Variants in HCFC1R1 observed in about 807,000 individuals in gnomAD.
The protein encoded by HCFC1R1 is host cell factor C1 regulator 1, also known as HCF-1 beta-propeller-interacting protein.
HCFC1R1 carries 17 observed loss-of-function variants against 13.3 expected under a neutral mutation model. The observed-to-expected ratio is 1.28, with a 90% CI of 0.87 to 1.91. The LOEUF is 1.91. HCFC1R1 is among the 40% of genes most tolerant of loss of function. The pLI, the probability that HCFC1R1 is intolerant of heterozygous loss-of-function variation, is 0.00. For synonymous variants in HCFC1R1, 87 were observed against 71.1 expected, an observed-to-expected ratio of 1.22 and a Z score of -1.12; for missense variants, 218 against 177.9, an observed-to-expected ratio of 1.23 and a Z score of -1.28.
chr16:3,024,170 GC>G, upstream of HCFC1R1: 2 of 886,870 alleles, frequency 2.3e-6, no homozygotes, highest in Non-Finnish European at 3.5e-6. Context: ...GGGGGTCTTC[GC>G]GGCGCTCACC....
chr16:3,023,080 G>A (rs544556078), intron 3 of HCFC1R1, 82 bp from the exon 4 acceptor site: 5 of 1,541,720 alleles, frequency 3.2e-6, no homozygotes, highest in East Asian at 2.3e-5. Flanking sequence ...GTCCCCAGGG[G>A]CTCCTGGGTT....
In HCFC1R1 at chr16:3,023,256, G is replaced by A. The variant is rs769153236; in HGVS notation, c.258C>T (p.Phe86=). The change falls in exon 3 of 4, where the codon TTC becomes TTT. Residue 86 remains phenylalanine (F), a synonymous_variant. Coordinates refer to ENST00000248089, the MANE Select transcript of HCFC1R1 (RefSeq NM_017885.4). The part of the protein sequence containing the change: ...DHPYCSPPMT[F]SPALPPLRSP... ...ACCTGAGTGGGGGCAGGGCTGGGGA[G>A]AAGGTCATGGGGGGGCTGCAGTAGG... The A allele has an allele frequency of 4.5e-6, 7 of 1,563,334 alleles. No homozygotes were observed. The highest frequency in any genetic ancestry group is 1.7e-6 in the Non-Finnish European group (2 of 1,153,070).
At position 3,023,373 on chromosome 16, in the gene HCFC1R1, T is replaced by C. The variant is rs765324752; in HGVS notation, c.153-12A>G. 11 of 1,611,824 alleles carry C rather than the reference T, an allele frequency of 6.8e-6. No homozygotes were observed. The highest frequency in any genetic ancestry group is 8.5e-6 in the Non-Finnish European group (10 of 1,178,668). Reference sequence around the variant, plus strand: ...TGCGCAGAGGCTCCCTGGGGAGAGATGGCAGAGAGGCAGGCTGGGATACTG... The same window carrying C: ...TGCGCAGAGGCTCCCTGGGGAGAGACGGCAGAGAGGCAGGCTGGGATACTG... On this transcript the variant is annotated splice_polypyrimidine_tract_variant and intron_variant, in intron 2 of 3. Transcript: ENST00000248089.
chr16:3,023,019 C>G, intron 3 of HCFC1R1, 21 bp from the exon 4 acceptor site: 1 of 1,593,284 alleles, frequency 6.3e-7, no homozygotes, highest in Non-Finnish European at 8.5e-7. Flanking sequence ...AAATGACTGT[C>G]AGGGCATGGA....
chr16:3,023,238 T>C lies in HCFC1R1; in HGVS notation c.276A>G (p.Pro92=), dbSNP rs1467063555. 2 of 1,542,120 alleles carry C rather than the reference T, an allele frequency of 1.3e-6. No homozygotes were observed. The highest frequency in any genetic ancestry group is 1.7e-6 in the Non-Finnish European group (2 of 1,144,114). ...PPMTFSPALP[P]LRSPCSELLL... is the part of the protein sequence containing the mutation. Reference sequence around the variant, plus strand: ...TGGCCAGTGGAGGAACCTACCTGAGTGGGGGCAGGGCTGGGGAGAAGGTCA... The same window carrying C: ...TGGCCAGTGGAGGAACCTACCTGAGCGGGGGCAGGGCTGGGGAGAAGGTCA... Residue 92 remains proline, a synonymous_variant, in exon 3 of 4, where the codon CCA becomes CCG. Transcript: ENST00000248089.
At chr16:3,023,405 G>C (rs1567410938) in intron 2 of HCFC1R1, 44 bp from the exon 3 acceptor site, 3 of 1,613,590 alleles carry the variant, frequency 1.9e-6, no homozygotes, top group East Asian at 2.2e-5. Context: ...ACTGACACAG[G>C]AGGCAGCCTG....
In HCFC1R1 at chr16:3,022,743, G is replaced by C. The variant is rs2072637042; in HGVS notation, c.*120C>G. ...GCTCAGTGTCCTCTGTTGAGGGAAG[G>C]TCTTGGTGCCCAGATGCCTACTCTG... On this transcript the variant is annotated 3_prime_UTR_variant, in exon 4 of 4. Transcript: ENST00000248089. 4.3e-6 allele frequency: 4 copies of C among 923,854 alleles called. No homozygotes were observed. The South Asian group carries it at 6.9e-5, about 16-fold the overall frequency. The allele number at this position is 923,854 out of a possible 1,614,324, so 57.2% of individuals were successfully genotyped here. A position where few individuals can be genotyped will look rare whatever the true frequency, so the allele number is the denominator to read the frequency against.
rs773069833 is a variant in HCFC1R1 at position 3,023,526 on chromosome 16, G to A, written c.100C>T (p.Pro34Ser). 3.2e-6 allele frequency: 5 copies of A among 1,583,514 alleles called. No homozygotes were observed. In the South Asian group the frequency reaches 4.5e-5, roughly 14 times the overall value. Reference sequence around the variant, plus strand: ...CTCATGGGCACAGCTCCTCGGAGAGGGGAGCTGGGAAAAAAAGAGAGCCTG... The same window carrying A: ...CTCATGGGCACAGCTCCTCGGAGAGAGGAGCTGGGAAAAAAAGAGAGCCTG... ...GVTWGLDASS[P>S]LRGAVPMSTK... The change falls in exon 2 of 4, where the codon CCT becomes TCT. Residue 34 changes from proline to serine, a missense_variant. Transcript: ENST00000248089.
chr16:3,022,929 C>T lies in HCFC1R1; in HGVS notation c.351G>A (p.Leu117=). 2 of 1,573,262 alleles carry T rather than the reference C, an allele frequency of 1.3e-6. No homozygotes were observed. The highest frequency in any genetic ancestry group is 1.7e-6 in the Non-Finnish European group (2 of 1,168,220). The change falls in exon 4 of 4, where the codon CTG becomes CTA. Residue 117 remains leucine, a synonymous_variant. Transcript: ENST00000248089. ...GSLIPEALRL[L]RLGDTPSPPY... is the part of the protein sequence containing the mutation. ...GGGGACTGGGGGTGTCCCCCAGCCT[C>T]AGCAGACGGAGGGCCTCAGGGATGA... is the stretch of plus-strand genomic sequence containing the variant.
At chr16:3,023,970 T>C (rs1000616190), upstream of HCFC1R1, 18 of 1,493,334 alleles carry the variant, frequency 1.2e-5, no homozygotes, top group African/African-American at 9.7e-5. Context: ...GGGTGGGATC[T>C]GGGCGACAGG....
chr16:3,023,953 G>T, upstream of HCFC1R1: 1 of 1,539,294 alleles, frequency 6.5e-7, no homozygotes, highest in Non-Finnish European at 8.8e-7. Flanking sequence ...GGGTTTTGGG[G>T]TCCTGCGGGT....
At chr16:3,024,107 G>C, upstream of HCFC1R1, 3 of 712,622 alleles carry the variant, frequency 4.2e-6, no homozygotes, top group Middle Eastern at 3.7e-4. Flanking sequence ...TCCTCGGGGT[G>C]GGGGAGGGTA....
rs755320157 is a variant in HCFC1R1 at position 3,023,455 on chromosome 16, T to A, written c.152+19A>T. The A allele has an allele frequency of 6.2e-7, 1 of 1,613,496 alleles. No homozygotes were observed. Among genetic ancestry groups the A allele is most frequent in the South Asian group, 1.1e-5 (1 of 91,056 alleles). On this transcript the variant is annotated intron_variant, in intron 2 of 3. Transcript: ENST00000248089. The stretch of plus-strand genomic sequence containing the variant: ...TGACAGAGATCTTGTTGGGAGTCCC[T>A]CCCTGCCCCCAAACTCACTGCTCCT...
chr16:3,022,921 C>G lies in HCFC1R1; in HGVS notation c.359G>C (p.Gly120Ala). 1 of 1,569,956 alleles carries G rather than the reference C, an allele frequency of 6.4e-7. No homozygotes were observed. The highest frequency in any genetic ancestry group is 8.6e-7 in the Non-Finnish European group (1 of 1,167,180). The change falls in exon 4 of 4, where the codon GGG (glycine) becomes GCG (alanine). Residue 120 changes from glycine to alanine, a missense_variant. By Grantham distance (60) the Gly-to-Ala change is moderately conservative. Coordinates refer to ENST00000248089, the MANE Select transcript of HCFC1R1 (RefSeq NM_017885.4). ...AGGGTAGGGGGGACTGGGGGTGTCC[C>G]CCAGCCTCAGCAGACGGAGGGCCTC... ...IPEALRLLRLGDTPSPPYPAT... is the reference protein window; with the variant it reads ...IPEALRLLRLADTPSPPYPAT...
Position 3,023,917 on chromosome 16 carries a change from G to C in HCFC1R1, c.25C>G (p.Arg9Gly), listed in dbSNP as rs867763152. ...CGCTGGGCCCCTCCCTGGGGGCCTC[G>C]CTGCAAGGGCTGCTGCAGGATCATT... is the stretch of plus-strand genomic sequence containing the variant. Reference protein sequence around the residue: MILQQPLQRGPQGGAQRLP... With the variant: MILQQPLQGGPQGGAQRLP... Residue 9 changes from arginine to glycine, a missense_variant, in exon 1 of 4, where the codon CGA (arginine) becomes GGA (glycine). Transcript: ENST00000248089. 1 of 1,555,944 alleles carries C rather than the reference G, an allele frequency of 6.4e-7. No homozygotes were observed. The highest frequency in any genetic ancestry group is 8.7e-7 in the Non-Finnish European group (1 of 1,153,248).
rs777788351 is a variant in HCFC1R1, at chr16:3,022,961, C to A, written c.319G>T (p.Gly107Cys). 2 of 1,589,848 alleles carry A rather than the reference C, an allele frequency of 1.3e-6. No individual in the cohort carries two copies. The highest frequency in any genetic ancestry group is 2.3e-5 in the South Asian group (2 of 87,536). ...CGGAGGGCCTCAGGGATGAGGCTGC[C>A]AGGATAGCGCCAGAGAAGCAGCTCA... ...CSELLLWRYP[G>C]SLIPEALRLL... The change falls in exon 4 of 4, where the codon GGC (glycine) becomes TGC (cysteine). Residue 107 changes from glycine (G) to cysteine (C), a missense_variant. Gly to Cys is a radical substitution (Grantham distance 159). Transcript: ENST00000248089.
Position 3,023,333 on chromosome 16 carries a change from C to G in HCFC1R1, c.181G>C (p.Glu61Gln). The G allele has an allele frequency of 6.2e-7, 1 of 1,604,696 alleles. No homozygotes were observed. The highest frequency in any genetic ancestry group is 1.1e-5 in the South Asian group (1 of 90,300). Reference sequence around the variant, plus strand: ...GAGAAGTGGGTGGCCATGTTCTCCTCAGACAGAAACTGCTTGCGCAGAGGC... The same window carrying G: ...GAGAAGTGGGTGGCCATGTTCTCCTGAGACAGAAACTGCTTGCGCAGAGGC... ...QEPLRKQFLS[E>Q]ENMATHFSQL... The change falls in exon 3 of 4, where the codon GAG (glutamate) becomes CAG (glutamine). Residue 61 changes from glutamate (E) to glutamine (Q), a missense_variant. Transcript: ENST00000248089.
chr16:3,023,130 G>C (rs1567410221), intron 3 of HCFC1R1, 103 bp downstream of exon 3: 26 of 1,507,170 alleles, frequency 1.7e-5, no homozygotes, highest in Non-Finnish European at 1.7e-5. Context: ...AAACAACCCA[G>C]AGGTCAGCTA....
At chr16:3,023,203 G>T in intron 3 of HCFC1R1, 30 bp downstream of exon 3, 1 of 1,536,340 alleles carries the variant, frequency 6.5e-7, no homozygotes. Context: ...CTGTGATTCT[G>T]CAGAAGGCCT....
Sources: gnomAD v4.1 joint callset for allele counts on GRCh38, gnomAD v4.1.1 for gene constraint, MANE v1.5 for transcripts, NCBI Gene and HGNC (gene_info 2026-07-23, HGNC 2026-07-21) for gene names.